The following FGGY variants were observed in gnomAD, a reference collection of about 807,000 sequenced individuals.
FGGY encodes the protein FGGY carbohydrate kinase domain containing, also known as FGGY carbohydrate kinase domain-containing protein.
Under a neutral mutation model 71.3 loss-of-function variants are expected in FGGY, and 72 were observed. The observed-to-expected ratio is 1.01, with a 90% CI of 0.84 to 1.23. The LOEUF is 1.23. Ranked by LOEUF, FGGY falls within the 50% of genes most tolerant of loss-of-function variation. The pLI is 0.00. For synonymous variants in FGGY, 251 were observed against 250.3 expected, an observed-to-expected ratio of 1.00 and a Z score of -0.02; for missense variants, 668 against 682.3, an observed-to-expected ratio of 0.98 and a Z score of 0.23.
intron 6 of FGGY, among the ~76,000 whole-genome samples, chr1:59,462,076 G>A (rs900553378): frequency 6.6e-6 from 1 of 151,238 alleles, no homozygotes; most frequent in African/African-American, 2.4e-5. Context: ...AACATGCAGT[G>A]TTTGGTTTTT....
chr1:59,298,728 A>AC (rs1437655942), intron 1 of FGGY, among the ~76,000 whole-genome samples: 1 of 152,022 alleles, frequency 6.6e-6, no homozygotes, highest in Non-Finnish European at 1.5e-5. Flanking sequence ...CCAGAGTGGA[A>AC]CCCCCTACCT....
At chr1:59,629,586 A>G (rs2096889553) in intron 10 of FGGY, among the ~76,000 whole-genome samples, 1 of 152,346 alleles carries the variant, frequency 6.6e-6, no homozygotes, top group South Asian at 2.1e-4. Flanking sequence ...CGGATCATCA[A>G]TGAACCTCTT....
At chr1:59,634,634 T>C (rs2096939145) in intron 10 of FGGY, among the ~76,000 whole-genome samples, 1 of 152,120 alleles carries the variant, frequency 6.6e-6, no homozygotes, top group Non-Finnish European at 1.5e-5. Flanking sequence ...AGGGATGTTG[T>C]CTGCATTTAA....
intron 7 of FGGY, among the ~76,000 whole-genome samples, chr1:59,522,327 C>T (rs376509385): frequency 3.9e-4 from 60 of 152,202 alleles, no homozygotes; most frequent in African/African-American, 1.4e-3. Flanking sequence ...CCCATACTTA[C>T]ACCAATGCAT....
At chr1:59,515,492 G>A (rs2094620080) in intron 7 of FGGY, among the ~76,000 whole-genome samples, 1 of 152,126 alleles carries the variant, frequency 6.6e-6, no homozygotes, top group African/African-American at 2.4e-5. Context: ...GAAATGTGAG[G>A]ACCTGAGATT....
At chr1:59,408,578 GTC>G (rs2063117574) in intron 5 of FGGY, among the ~76,000 whole-genome samples, 1 of 152,136 alleles carries the variant, frequency 6.6e-6, no homozygotes, top group African/African-American at 2.4e-5. Context: ...TAAATATTCT[GTC>G]TCTCTAAATA....
chr1:59,476,127 C>T (rs551891722), intron 6 of FGGY, among the ~76,000 whole-genome samples: 60 of 152,330 alleles, frequency 3.9e-4, no homozygotes, highest in African/African-American at 1.4e-3. Context: ...AAAATATTCA[C>T]ATGGTCTACC....
chr1:59,534,854 C>T (rs1362855642), intron 7 of FGGY, among the ~76,000 whole-genome samples: 1 of 151,972 alleles, frequency 6.6e-6, no homozygotes, highest in Non-Finnish European at 1.5e-5. Context: ...AAAGGAAAAA[C>T]CAGTACCAGC....
intron 1 of FGGY, among the ~76,000 whole-genome samples, chr1:59,301,901 CTT>C (rs60018175): frequency 6.5e-5 from 9 of 138,338 alleles, no homozygotes; most frequent in Admixed American, 2.2e-4. Flanking sequence ...TTCTTTCTTT[CTT>C]TTTTTTTTTT....
At chr1:59,433,150 T>C (rs2153462824) in intron 5 of FGGY, among the ~76,000 whole-genome samples, 1 of 152,296 alleles carries the variant, frequency 6.6e-6, no homozygotes, top group East Asian at 1.9e-4. Flanking sequence ...AGATAATTCT[T>C]TGTTGTGGGG....
At chr1:59,646,414 T>TAA (rs1473239319) in intron 11 of FGGY, among the ~76,000 whole-genome samples, 1 of 151,644 alleles carries the variant, frequency 6.6e-6, no homozygotes, top group East Asian at 1.9e-4. Context: ...TATATATATA[T>TAA]AATCACAATA....
At chr1:59,656,982 G>A (rs988458371) in intron 11 of FGGY, among the ~76,000 whole-genome samples, 1 of 152,172 alleles carries the variant, frequency 6.6e-6, no homozygotes, top group Admixed American at 6.5e-5. Context: ...GGAGGCACTG[G>A]AAATTTAGAG....
At chr1:59,740,979 A>G (rs975227781) in intron 14 of FGGY, among the ~76,000 whole-genome samples, 1 of 152,260 alleles carries the variant, frequency 6.6e-6, no homozygotes, top group African/African-American at 2.4e-5. Context: ...ATTACTTGAA[A>G]TGATATTTGG....
At chr1:59,715,616 A>G (rs1026376574) in intron 14 of FGGY, among the ~76,000 whole-genome samples, 1 of 152,194 alleles carries the variant, frequency 6.6e-6, no homozygotes, top group Non-Finnish European at 1.5e-5. Context: ...GAGATGTCAG[A>G]TCTTGGAGAA....
At chr1:59,449,936 C>CT (rs1233218383) in intron 5 of FGGY, among the ~76,000 whole-genome samples, 4 of 152,214 alleles carry the variant, frequency 2.6e-5, no homozygotes, top group Admixed American at 2.6e-4. Context: ...TGCCACTGCA[C>CT]TCCAGCCTGT....
At chr1:59,363,059 C>T (rs2153232786) in intron 4 of FGGY, among the ~76,000 whole-genome samples, 1 of 152,222 alleles carries the variant, frequency 6.6e-6, no homozygotes, top group East Asian at 1.9e-4. Flanking sequence ...GAGACAGACC[C>T]ACACGTAATT....
intron 2 of FGGY, among the ~76,000 whole-genome samples, chr1:59,331,445 C>T (rs2036112): frequency 0.19 from 28,996 of 151,926 alleles, 3,343 homozygotes; most frequent in East Asian, 0.35. Flanking sequence ...CTTGCTGTTC[C>T]CCCTCCCAGG....
chr1:59,601,373 C>T lies in FGGY; in HGVS notation c.904-6430C>T, dbSNP rs184080124. 9.8e-5 allele frequency among the ~76,000 whole-genome samples: 15 copies of T among 152,294 alleles called. No individual in the cohort carries two copies. The East Asian group carries it at 2.5e-3, about 26-fold the overall frequency. Reference sequence around the variant, plus strand: ...TCTGGGCTTTGTCACCACAGGGAAACTCGGCTGACGGGCACATTGCCTTAG... The same window carrying T: ...TCTGGGCTTTGTCACCACAGGGAAATTCGGCTGACGGGCACATTGCCTTAG... On this transcript the variant is annotated intron_variant, in intron 8 of 15. Transcript: ENST00000303721.
At chr1:59,718,883 C>T (rs2097863783) in intron 14 of FGGY, among the ~76,000 whole-genome samples, 1 of 152,224 alleles carries the variant, frequency 6.6e-6, no homozygotes, top group African/African-American at 2.4e-5. Flanking sequence ...GGCTCATGGC[C>T]ACTCCCAGTG....
Sources: gnomAD v4.1 joint callset for allele counts (sites outside exome capture counted in the v4.1 genomes callset) on GRCh38, gnomAD v4.1.1 for gene constraint, MANE v1.5 for transcripts, NCBI Gene and HGNC (gene_info 2026-07-23, HGNC 2026-07-21) for gene names.